Variants in PRR16 observed in about 807,000 individuals in gnomAD.
PRR16 encodes the protein protein Largen.
In PRR16, 6 loss-of-function variants were observed where a neutral mutation model predicts 18.2. That is an observed-to-expected ratio of 0.33 (90% CI 0.18 to 0.65). The LOEUF (loss-of-function observed/expected upper bound fraction) is 0.65, where lower values mean the gene tolerates loss of function less well. Among genes scored for constraint, PRR16 ranks in the 30% least tolerant of loss-of-function variants. PRR16 has a pLI of 0.74. For synonymous variants in PRR16, 151 were observed against 147.8 expected (o/e 1.02, Z -0.16); for missense variants, 412 against 376.6 (o/e 1.09, Z -0.78).
chr5:120,658,031 ATGTTGTTGTTGT>A (rs150042007), intron 1 of PRR16: 2 of 151,460 alleles, frequency 1.3e-5, no homozygotes, highest in African/African-American at 4.8e-5. Context: ...GTGGGTTTTG[ATGTTGTTGTTGT>A]TGTTGTTGTT....
chr5:120,716,885 AAAATAAAAC>A, the PRR16 span, among the ~76,000 whole-genome samples: 18 of 148,296 alleles, frequency 1.2e-4, no homozygotes, highest in African/African-American at 4.8e-4. Flanking sequence ...AAAACAAAAC[AAAATAAAAC>A]AAACAAAAAT....
chr5:120,573,934 A>T (rs780616672), intron 1 of PRR16, among the ~76,000 whole-genome samples: 1 of 151,974 alleles, frequency 6.6e-6, no homozygotes, highest in Non-Finnish European at 1.5e-5. Context: ...ACCATTTAGT[A>T]TAGCAAAAAT....
At chr5:120,637,579 C>T (rs1355448133) in intron 1 of PRR16, among the ~76,000 whole-genome samples, 1 of 152,024 alleles carries the variant, frequency 6.6e-6, no homozygotes, top group African/African-American at 2.4e-5. Context: ...TTCTCACTCA[C>T]TTATGGGAGC....
the PRR16 span, among the ~76,000 whole-genome samples, chr5:120,753,873 T>C: frequency 1.6e-5 from 2 of 128,568 alleles, no homozygotes; most frequent in Non-Finnish European, 3.2e-5. Context: ...TTATATATTA[T>C]ATATTTATAT....
intron 1 of PRR16, among the ~76,000 whole-genome samples, chr5:120,603,508 A>T (rs1754052176): frequency 1.3e-5 from 2 of 151,992 alleles, no homozygotes; most frequent in Admixed American, 6.6e-5. Context: ...TGAAGAACAA[A>T]CATTTGGTTT....
At chr5:120,650,466 C>T (rs1298820753) in intron 1 of PRR16, among the ~76,000 whole-genome samples, 9 of 149,064 alleles carry the variant, frequency 6.0e-5, no homozygotes, top group Non-Finnish European at 7.4e-5. Flanking sequence ...CTCCAAATGC[C>T]ATCCCTCCCC....
the PRR16 span, among the ~76,000 whole-genome samples, chr5:120,742,411 T>C: frequency 6.6e-6 from 1 of 151,740 alleles, no homozygotes; most frequent in Non-Finnish European, 1.5e-5. Flanking sequence ...CTTTTGATAT[T>C]GCATATCAGA....
At chr5:120,491,780 G>T (rs1703262464) in intron 1 of PRR16, among the ~76,000 whole-genome samples, 1 of 152,104 alleles carries the variant, frequency 6.6e-6, no homozygotes, top group Non-Finnish European at 1.5e-5. Flanking sequence ...CTGACCTCAG[G>T]CAGTCTGCCC....
the PRR16 span, among the ~76,000 whole-genome samples, chr5:120,748,743 T>A: frequency 6.6e-6 from 1 of 152,044 alleles, no homozygotes. Flanking sequence ...TCATAAATCC[T>A]TGAGGGAGAA....
At chr5:120,741,157 A>C in the PRR16 span, among the ~76,000 whole-genome samples, 1 of 151,952 alleles carries the variant, frequency 6.6e-6, no homozygotes, top group Admixed American at 6.6e-5. Context: ...AAGTACAGTT[A>C]ATTTTGCATG....
At chr5:120,744,393 T>A in the PRR16 span, among the ~76,000 whole-genome samples, 1 of 152,152 alleles carries the variant, frequency 6.6e-6, no homozygotes, top group Admixed American at 6.5e-5. Flanking sequence ...TTCCACAGGG[T>A]TGGAAGGGGA....
intron 1 of PRR16, among the ~76,000 whole-genome samples, chr5:120,591,105 C>T (rs1298338096): frequency 6.6e-6 from 1 of 151,786 alleles, no homozygotes; most frequent in Admixed American, 6.6e-5. Flanking sequence ...TAGTGAAACA[C>T]CGTCTCTACT....
the PRR16 span, among the ~76,000 whole-genome samples, chr5:120,725,630 T>G: frequency 6.6e-6 from 1 of 152,110 alleles, no homozygotes; most frequent in Admixed American, 6.6e-5. Flanking sequence ...TGAGCTATAA[T>G]CATACTATTG....
chr5:120,473,557 G>A (rs1749341724), intron 1 of PRR16, among the ~76,000 whole-genome samples: 1 of 152,160 alleles, frequency 6.6e-6, no homozygotes, highest in African/African-American at 2.4e-5. Context: ...AGAACGTTTA[G>A]AATGGTTCCT....
intron 1 of PRR16, among the ~76,000 whole-genome samples, chr5:120,505,820 A>G (rs1004778280): frequency 6.6e-6 from 1 of 151,884 alleles, no homozygotes; most frequent in African/African-American, 2.4e-5. Flanking sequence ...TTTTAAATTT[A>G]CTGCTTCTCT....
intron 1 of PRR16, among the ~76,000 whole-genome samples, chr5:120,474,632 A>G (rs892879423): frequency 6.7e-6 from 1 of 149,328 alleles, no homozygotes; most frequent in African/African-American, 2.5e-5. Flanking sequence ...TTTTCTTTAC[A>G]TTTACCTCAT....
intron 1 of PRR16, among the ~76,000 whole-genome samples, chr5:120,572,453 AG>A (rs529754145): frequency 1.9e-3 from 289 of 152,318 alleles, no homozygotes; most frequent in African/African-American, 6.6e-3. Context: ...TTATTGGGAT[AG>A]GGAAAATTGT....
the PRR16 span, among the ~76,000 whole-genome samples, chr5:120,778,948 A>C: frequency 6.6e-6 from 1 of 152,122 alleles, no homozygotes; most frequent in African/African-American, 2.4e-5. Context: ...ATGGAAATGA[A>C]ATGGTTTGAC....
chr5:120,730,447 C>A, the PRR16 span, among the ~76,000 whole-genome samples: 1 of 152,076 alleles, frequency 6.6e-6, no homozygotes, highest in African/African-American at 2.4e-5. Context: ...GGGGAAATTT[C>A]TAAGCTGAAT....
Sources: gnomAD v4.1 joint callset for allele counts (sites outside exome capture counted in the v4.1 genomes callset) on GRCh38, gnomAD v4.1.1 for gene constraint, MANE v1.5 for transcripts, NCBI Gene and HGNC (gene_info 2026-07-23, HGNC 2026-07-21) for gene names.